Variants in NUP155 observed in about 807,000 individuals in gnomAD.
NUP155 encodes nucleoporin 155.
NUP155 carries 71 observed loss-of-function variants against 180.4 expected under a neutral mutation model. That is an observed-to-expected ratio of 0.39 (90% CI 0.33 to 0.48). NUP155 has a LOEUF of 0.48. NUP155 is among the 20% of genes least tolerant of loss of function. The probability of loss-of-function intolerance (pLI) is 0.91; values close to 1 mark genes in which losing one functional copy is unlikely to be tolerated. For synonymous variants in NUP155, 582 were observed against 559.5 expected (o/e 1.04, Z -0.57); for missense variants, 1,553 against 1,648.9 (o/e 0.94, Z 1.01).
chr5:37,321,842 G>A (rs1744265712), intron 20 of NUP155, among the ~76,000 whole-genome samples: 1 of 152,036 alleles, frequency 6.6e-6, no homozygotes, highest in Non-Finnish European at 1.5e-5. Context: ...ATTTATGTAT[G>A]CTTTATTATT....
chr5:37,340,054 C>T (rs973837916), intron 11 of NUP155, among the ~76,000 whole-genome samples: 3 of 152,168 alleles, frequency 2.0e-5, no homozygotes, highest in Non-Finnish European at 4.4e-5. Flanking sequence ...CCACTGCACC[C>T]GGCCCCACCT....
chr5:37,310,419 A>AC, intron 23 of NUP155, 133 bp downstream of exon 23: 3 of 638,278 alleles, frequency 4.7e-6, no homozygotes, highest in Non-Finnish European at 8.1e-6. Flanking sequence ...CCCCTTTCTT[A>AC]GATGAGGATT....
chr5:37,310,516 A>T, intron 23 of NUP155, 36 bp downstream of exon 23: 1 of 1,541,894 alleles, frequency 6.5e-7, no homozygotes, highest in African/African-American at 1.4e-5. Flanking sequence ...GATACCTCTT[A>T]TAACAAACAA....
At chr5:37,314,697 G>A (rs189310954) in intron 21 of NUP155, among the ~76,000 whole-genome samples, 1 of 152,030 alleles carries the variant, frequency 6.6e-6, no homozygotes, top group Non-Finnish European at 1.5e-5. Context: ...ATTAGCTGGT[G>A]GGGGGGATGG....
At chr5:37,342,510 T>C (rs756378082) in intron 10 of NUP155, 39 bp downstream of exon 10, 17 of 1,248,446 alleles carry the variant, frequency 1.4e-5, no homozygotes, top group Non-Finnish European at 2.0e-5. Context: ...TTTCAGAAGT[T>C]GTAACAGTAA....
rs1334430885 is a variant in NUP155 at position 37,316,879 on chromosome 5, C to T, written c.2305+1109G>A. ...ACTGTACACTTAAAAACAGTAAAAA[C>T]GGGCCAGGCGCAGTGGCTCTTGCCT... On this transcript the variant is annotated intron_variant, in intron 21 of 34. Coordinates refer to ENST00000231498, the MANE Select transcript of NUP155 (RefSeq NM_153485.3). 4.0e-5 allele frequency among the ~76,000 whole-genome samples: 6 copies of T among 151,206 alleles called. No individual in the cohort carries two copies. In the South Asian group the frequency reaches 8.4e-4, roughly 21 times the overall value.
Position 37,310,595 on chromosome 5 carries a change from A to G in NUP155, c.2585T>C (p.Ile862Thr), listed in dbSNP as rs866927328. 1 of 1,613,592 alleles carries G rather than the reference A, an allele frequency of 6.2e-7. No individual in the cohort carries two copies. Among genetic ancestry groups the G allele is most frequent in the African/African-American group, 1.3e-5 (1 of 75,042 alleles). ...VDGISLHLQD[I>T]CPLLYSTDDA... Reference sequence around the variant, plus strand: ...ATCAGTGCTATATAGAAGTGGGCAGATATCCTGTAAATGTAAACTAATGCC... The same window carrying G: ...ATCAGTGCTATATAGAAGTGGGCAGGTATCCTGTAAATGTAAACTAATGCC... Residue 862 changes from isoleucine (I) to threonine (T), a missense_variant, in exon 23 of 35, where the codon ATC (isoleucine) becomes ACC (threonine). Ile to Thr is a moderately conservative substitution (Grantham distance 89, BLOSUM62 -1). Transcript: ENST00000231498.
chr5:37,348,163 G>C (rs957079752), intron 9 of NUP155, among the ~76,000 whole-genome samples: 2 of 152,032 alleles, frequency 1.3e-5, no homozygotes, highest in Non-Finnish European at 2.9e-5. Flanking sequence ...AATTAGCCAG[G>C]CATGGTGGCA....
rs1294081559 is a variant in NUP155, at chr5:37,309,228, T to A, written c.2668A>T (p.Lys890Ter). The change falls in exon 24 of 35, where the codon AAG becomes TAG. Residue 890 changes from lysine (K) to a stop codon, truncating the protein, a stop_gained. Transcript: ENST00000231498. LOFTEE classifies it high-confidence loss of function. ...LLQRSRQVQN[K>*]TEKERMLRES... The stretch of plus-strand genomic sequence containing the variant: ...CTTAACATTCTTTCTTTTTCAGTCT[T>A]ATTTTGAACTTGTCGGGAACGCTGG... 6.2e-7 allele frequency: 1 copy of A among 1,613,396 alleles called. No individual in the cohort carries two copies. The highest frequency in any genetic ancestry group is 8.5e-7 in the Non-Finnish European group (1 of 1,179,858).
intron 27 of NUP155, among the ~76,000 whole-genome samples, chr5:37,303,811 C>T (rs1242418891): frequency 6.7e-6 from 1 of 150,098 alleles, no homozygotes; most frequent in South Asian, 2.1e-4. Flanking sequence ...TGTGGTGGTG[C>T]GGGCCTATAG....
At position 37,331,814 on chromosome 5, in the gene NUP155, G is replaced by T. The variant is rs1744980257; in HGVS notation, c.1519-19C>A. ...GGCTCCCCTAAGAAATTTGAAGAAA[G>T]AACATGAACAAGAGATTTACCAAGA... is the stretch of plus-strand genomic sequence containing the variant. On this transcript the variant is annotated intron_variant, in intron 13 of 34. Coordinates refer to ENST00000231498, the MANE Select transcript of NUP155 (RefSeq NM_153485.3). The T allele has an allele frequency of 2.1e-6, 3 of 1,446,898 alleles. No individual in the cohort carries two copies. Among genetic ancestry groups the T allele is most frequent in the Non-Finnish European group, 2.9e-6 (3 of 1,032,320 alleles). 89.6% of individuals were successfully genotyped at this position (1,446,898 alleles called of 1,614,324 possible). A position where few individuals can be genotyped will look rare whatever the true frequency, so the allele number is the denominator to read the frequency against.
chr5:37,367,535 C>CTT (rs376801237), intron 1 of NUP155, among the ~76,000 whole-genome samples: 3 of 135,626 alleles, frequency 2.2e-5, no homozygotes, highest in Admixed American at 1.5e-4. Flanking sequence ...TTTCTTTTTC[C>CTT]TTTTTTTTTT....
Position 37,333,638 on chromosome 5 carries a change from G to A in NUP155, c.1348-5C>T. The A allele has an allele frequency of 6.2e-7, 1 of 1,610,526 alleles. No homozygotes were observed. The highest frequency in any genetic ancestry group is 1.3e-5 in the African/African-American group (1 of 74,768). ...ACCATCAACACCAGCTGTCATCTATGTAAAAGAAATAAATGTTTTATACAT... is the reference window on the plus strand; with the variant it reads ...ACCATCAACACCAGCTGTCATCTATATAAAAGAAATAAATGTTTTATACAT... On this transcript the variant is annotated splice_polypyrimidine_tract_variant and splice_region_variant and intron_variant, in intron 12 of 34. Transcript: ENST00000231498.
intron 4 of NUP155, among the ~76,000 whole-genome samples, chr5:37,355,547 GTA>G (rs928272635): frequency 3.1e-4 from 46 of 147,342 alleles, no homozygotes; most frequent in South Asian, 4.3e-4. Flanking sequence ...GTGTGTGTGT[GTA>G]TATATATATA....
Position 37,351,124 on chromosome 5 carries a change from ATAAAGGCT to A in NUP155, c.723+58_723+65del, listed in dbSNP as rs1345866502. ...TGTCCTTATATAATTAGAAAACAAAATAAAGGCTTATCTTTCCCTACTCCATCAAGAGA... is the reference window on the plus strand; with the variant it reads ...TGTCCTTATATAATTAGAAAACAAAATATCTTTCCCTACTCCATCAAGAGA... On this transcript the variant is annotated intron_variant, in intron 6 of 34. Transcript: ENST00000231498. 4 of 1,255,968 alleles carry A rather than the reference ATAAAGGCT, an allele frequency of 3.2e-6. No individual in the cohort carries two copies. The African/African-American group carries it at 4.5e-5, about 14-fold the overall frequency. The allele number at this position is 1,255,968 out of a possible 1,614,324, so 77.8% of individuals were successfully genotyped here.
chr5:37,323,892 T>G, intron 20 of NUP155, 100 bp downstream of exon 20: 1 of 786,500 alleles, frequency 1.3e-6, no homozygotes, highest in Non-Finnish European at 2.2e-6. Flanking sequence ...AATACTAAAC[T>G]GCACACTTTA....
At chr5:37,320,392 G>A (rs1285332392) in intron 20 of NUP155, among the ~76,000 whole-genome samples, 3 of 152,198 alleles carry the variant, frequency 2.0e-5, no homozygotes, top group Non-Finnish European at 4.4e-5. Context: ...CAGGAGCATC[G>A]CTTGAACCCG....
intron 24 of NUP155, among the ~76,000 whole-genome samples, chr5:37,308,085 T>C (rs945676754): frequency 6.6e-6 from 1 of 152,062 alleles, no homozygotes; most frequent in African/African-American, 2.4e-5. Context: ...CAAATAGTTA[T>C]GGCCTTTACA....
chr5:37,342,405 T>G (rs1219817747), intron 10 of NUP155, 144 bp downstream of exon 10: 26 of 615,362 alleles, frequency 4.2e-5, no homozygotes, highest in Non-Finnish European at 6.6e-5. Context: ...CTCCCAGTTT[T>G]CAAAATCCTT....
Sources: allele counts gnomAD v4.1 joint callset (sites outside exome capture counted in the v4.1 genomes callset), GRCh38; gene constraint gnomAD v4.1.1; transcripts MANE v1.5; gene names NCBI Gene and HGNC (gene_info 2026-07-23, HGNC 2026-07-21).